Variants in C3orf20 observed in about 807,000 individuals in gnomAD.
C3orf20 encodes the protein uncharacterized protein C3orf20.
Under a neutral mutation model 88.3 loss-of-function variants are expected in C3orf20, and 76 were observed. The ratio of observed to expected loss-of-function variants is 0.86; its 90% confidence interval spans 0.72 to 1.04. The LOEUF (loss-of-function observed/expected upper bound fraction) is 1.04. Among genes scored for constraint, C3orf20 ranks in the 50% least tolerant of loss-of-function variants. The probability of loss-of-function intolerance (pLI) is 0.00; values close to 1 mark genes in which losing one functional copy is unlikely to be tolerated. For missense variants in C3orf20, 1,056 were observed against 1,123.3 expected (o/e 0.94, Z 0.86); for synonymous variants, 436 against 437.4 (o/e 1.00, Z 0.04).
chr3:14,698,438 A>G (rs1369873415), intron 5 of C3orf20, among the ~76,000 whole-genome samples: 1 of 152,166 alleles, frequency 6.6e-6, no homozygotes, highest in Non-Finnish European at 1.5e-5. Context: ...CTTTCCAGGT[A>G]TTTGAAAGGG....
chr3:14,750,861 TA>T (rs2035200156), intron 12 of C3orf20, among the ~76,000 whole-genome samples: 1 of 152,208 alleles, frequency 6.6e-6, no homozygotes, highest in Non-Finnish European at 1.5e-5. Flanking sequence ...GGGAGAGTTT[TA>T]GGCAATTATT....
At chr3:14,681,400 T>C (rs1044273789) in intron 1 of C3orf20, among the ~76,000 whole-genome samples, 5 of 152,144 alleles carry the variant, frequency 3.3e-5, no homozygotes, top group Non-Finnish European at 5.9e-5. Flanking sequence ...TAAAAGGTGG[T>C]CGAAGAGATG....
Position 14,703,117 on chromosome 3 carries a change from C to T in C3orf20, c.746-13C>T, listed in dbSNP as rs771159464. On this transcript the variant is annotated splice_polypyrimidine_tract_variant and intron_variant, in intron 5 of 16. Transcript: ENST00000253697. Reference sequence around the variant, plus strand: ...CTTGGGCATCTCTCTAACTTCTTGCCCTCCAACTACAGGCAAATCTAGAAC... The same window carrying T: ...CTTGGGCATCTCTCTAACTTCTTGCTCTCCAACTACAGGCAAATCTAGAAC... 14 of 1,613,886 alleles carry T rather than the reference C, an allele frequency of 8.7e-6. No homozygotes were observed. The South Asian group carries it at 1.3e-4, about 15-fold the overall frequency.
chr3:14,738,061 G>A (rs1216937088), intron 12 of C3orf20, among the ~76,000 whole-genome samples: 1 of 151,840 alleles, frequency 6.6e-6, no homozygotes, highest in Non-Finnish European at 1.5e-5. Context: ...TTCCTCCACT[G>A]GAGTCTTGAA....
At chr3:14,678,302 G>A (rs1271272337) in intron 1 of C3orf20, among the ~76,000 whole-genome samples, 1 of 152,160 alleles carries the variant, frequency 6.6e-6, no homozygotes, top group Non-Finnish European at 1.5e-5. Context: ...CGTGGCCATT[G>A]GGAACATCAC....
At chr3:14,743,438 G>C (rs554539709) in intron 12 of C3orf20, among the ~76,000 whole-genome samples, 19 of 152,054 alleles carry the variant, frequency 1.2e-4, no homozygotes, top group African/African-American at 4.6e-4. Context: ...CTCCCTCCTG[G>C]CTCCTTTCAT....
chr3:14,728,519 G>C lies in C3orf20; in HGVS notation c.1771G>C (p.Glu591Gln). 1 of 1,614,184 alleles carries C rather than the reference G, an allele frequency of 6.2e-7. No homozygotes were observed. The change falls in exon 12 of 17, where the codon GAG becomes CAG. Residue 591 changes from glutamate to glutamine, a missense_variant. Physicochemically the swap from Glu to Gln is conservative, Grantham distance 29. Coordinates refer to ENST00000253697, the MANE Select transcript of C3orf20 (RefSeq NM_032137.5). ...CAAGATGAGATCCAGAACTCATCCC[G>C]AGCGGCTCCCCAAGCTAAGTTTATA... ...RFKMRSRTHP[E>Q]RLPKLSLYSG...
rs930025512 is a variant in C3orf20, at chr3:14,683,603, C to T, written c.484+406C>T. On this transcript the variant is annotated intron_variant, in intron 3 of 16. Transcript: ENST00000253697. ...ATAAGAACCAGGGTCCCAGGCCAGG[C>T]GCGGTGGCTCACCCCTGTAATTCCA... Among the ~76,000 whole-genome samples the T allele has an allele frequency of 7.9e-5, 12 of 152,062 alleles. No homozygotes were observed. In the South Asian group the frequency reaches 1.0e-3, roughly 13 times the overall value.
intron 12 of C3orf20, among the ~76,000 whole-genome samples, chr3:14,731,723 C>T (rs1382666532): frequency 6.6e-6 from 1 of 152,168 alleles, no homozygotes; most frequent in African/African-American, 2.4e-5. Context: ...CAGCATAAAT[C>T]ACATAGTTTG....
chr3:14,707,990 G>A (rs780720866), intron 7 of C3orf20, among the ~76,000 whole-genome samples: 1 of 151,754 alleles, frequency 6.6e-6, no homozygotes, highest in African/African-American at 2.4e-5. Flanking sequence ...GACTAATTTT[G>A]TATTTTTAGT....
chr3:14,695,870 G>C (rs572051982), intron 5 of C3orf20, among the ~76,000 whole-genome samples: 30 of 151,656 alleles, frequency 2.0e-4, no homozygotes, highest in Non-Finnish European at 4.4e-4. Flanking sequence ...TTCAGTTTAT[G>C]TGCGTCTTTA....
Position 14,728,571 on chromosome 3 carries a change from A to T in C3orf20, c.1823A>T (p.Gln608Leu). ...LYSGESLLRS[Q>L]SGHLESSIAE... ...TCAGGAGAAAGTCTTTTACGATCTC[A>T]GTCAGGCCACCTGGAATCCTCAATT... The change falls in exon 12 of 17, where the codon CAG (glutamine) becomes CTG (leucine). Residue 608 changes from glutamine (Q) to leucine (L), a missense_variant. Physicochemically the swap from Gln to Leu is moderately radical, Grantham distance 113. Coordinates refer to ENST00000253697, the MANE Select transcript of C3orf20 (RefSeq NM_032137.5). 6.2e-7 allele frequency: 1 copy of T among 1,614,198 alleles called. No homozygotes were observed.
intron 10 of C3orf20, among the ~76,000 whole-genome samples, chr3:14,723,615 C>T (rs13316767): frequency 0.16 from 23,956 of 152,012 alleles, 2,162 homozygotes; most frequent in Non-Finnish European, 0.2. Context: ...GAGGAAGTAC[C>T]GGAGAAACAC....
chr3:14,723,032 G>A (rs1210707561), intron 10 of C3orf20, among the ~76,000 whole-genome samples: 1 of 152,228 alleles, frequency 6.6e-6, no homozygotes, highest in Admixed American at 6.5e-5. Flanking sequence ...CAAAAGCAGG[G>A]TGACCACACT....
intron 12 of C3orf20, among the ~76,000 whole-genome samples, chr3:14,733,836 G>C (rs2124998120): frequency 6.6e-6 from 1 of 152,118 alleles, no homozygotes; most frequent in East Asian, 1.9e-4. Flanking sequence ...TTACAGGCAT[G>C]CACCACCACA....
Position 14,714,097 on chromosome 3 carries a change from C to T in C3orf20, c.1251C>T (p.Phe417=). ...GCCTCTTTAATGACATACCTGGATT[C>T]TCCTTGCTGGCCCTATTCAATACTG... ...ITCLFNDIPG[F]SLLALFNTEG... Residue 417 remains phenylalanine, a synonymous_variant, in exon 8 of 17, where the codon TTC becomes TTT. Transcript: ENST00000253697. The T allele has an allele frequency of 6.2e-7, 1 of 1,614,118 alleles. No individual in the cohort carries two copies. Among genetic ancestry groups the T allele is most frequent in the Non-Finnish European group, 8.5e-7 (1 of 1,180,024 alleles).
intron 5 of C3orf20, among the ~76,000 whole-genome samples, chr3:14,693,667 T>C (rs2032837537): frequency 6.6e-6 from 1 of 152,208 alleles, no homozygotes; most frequent in Non-Finnish European, 1.5e-5. Context: ...CCTTTCCAAT[T>C]TGGATGCCCT....
chr3:14,751,579 A>G (rs1446314597), intron 12 of C3orf20, among the ~76,000 whole-genome samples: 1 of 152,122 alleles, frequency 6.6e-6, no homozygotes, highest in African/African-American at 2.4e-5. Context: ...TATTTAGAAA[A>G]CCCCATCGTC....
rs373563531 is a variant in C3orf20, at chr3:14,721,655, G to T, written c.1437G>T (p.Val479=). The change falls in exon 10 of 17, where the codon GTG becomes GTT. Residue 479 remains valine (V), a splice_region_variant and synonymous_variant. Transcript: ENST00000253697. The part of the protein sequence containing the change: ...TETLLSLEYK[V]NEEMKLKVLG... Reference sequence around the variant, plus strand: ...GAGTACTGTTTCTTCATCTACAGGTGAATGAGGAAATGAAACTAAAGGTAC... The same window carrying T: ...GAGTACTGTTTCTTCATCTACAGGTTAATGAGGAAATGAAACTAAAGGTAC... 6.2e-7 allele frequency: 1 copy of T among 1,613,942 alleles called. No homozygotes were observed. The highest frequency in any genetic ancestry group is 1.3e-5 in the African/African-American group (1 of 74,932).
Sources: allele counts gnomAD v4.1 joint callset (sites outside exome capture counted in the v4.1 genomes callset), GRCh38; gene constraint gnomAD v4.1.1; transcripts MANE v1.5; gene names NCBI Gene and HGNC (gene_info 2026-07-23, HGNC 2026-07-21).